DOCK1: variants seen among roughly 807,000 people sequenced by gnomAD.
DOCK1 encodes dedicator of cytokinesis 1, also known as dedicator of cytokinesis protein 1.
In DOCK1, 138 loss-of-function variants were observed where a neutral mutation model predicts 262.7. The observed-to-expected ratio is 0.53, with a 90% CI of 0.46 to 0.61. DOCK1 has a LOEUF of 0.61. Ranked by LOEUF, DOCK1 falls within the 20% of genes least tolerant of loss-of-function variation. DOCK1 has a pLI of 0.00. For synonymous variants in DOCK1, 866 were observed against 867.4 expected, an observed-to-expected ratio of 1.00 and a Z score of 0.03; for missense variants, 1,908 against 2,370.7, an observed-to-expected ratio of 0.80 and a Z score of 4.05.
At chr10:127,329,833 G>A (rs950354831) in intron 29 of DOCK1, among the ~76,000 whole-genome samples, 2 of 152,140 alleles carry the variant, frequency 1.3e-5, no homozygotes, top group African/African-American at 2.4e-5. Flanking sequence ...AGAGTAGAGG[G>A]AGAGTGGGTG....
At chr10:127,164,872 T>C (rs1348428273) in intron 27 of DOCK1, among the ~76,000 whole-genome samples, 1 of 152,306 alleles carries the variant, frequency 6.6e-6, no homozygotes, top group East Asian at 1.9e-4. Context: ...ATGACAATGA[T>C]ACAAACAAGT....
intron 27 of DOCK1, among the ~76,000 whole-genome samples, chr10:127,185,765 C>G (rs1214997762): frequency 6.6e-6 from 1 of 152,090 alleles, no homozygotes; most frequent in Non-Finnish European, 1.5e-5. Flanking sequence ...GCATGACTAC[C>G]TTGAGTGGTT....
At chr10:127,364,004 C>G (rs1590708162) in intron 33 of DOCK1, among the ~76,000 whole-genome samples, 1 of 152,244 alleles carries the variant, frequency 6.6e-6, no homozygotes, top group Non-Finnish European at 1.5e-5. Context: ...TGTACAATCC[C>G]TAGCACGGTG....
rs973403565 is a variant in DOCK1, at chr10:127,175,545, G to A, written c.2847+47781G>A. On this transcript the variant is annotated intron_variant, in intron 27 of 51. Transcript: ENST00000623213. This position sits in a 1 kb window ranked among gnomAD's most constrained non-coding sequence, Gnocchi z 6.3. ...TGTGGCTCTCCTCCGCTCGTCATCT[G>A]CCGGGCAGAGTGACCACTGGCTGGC... The A allele has an allele frequency of 6.8e-6, 11 of 1,610,992 alleles. No homozygotes were observed. The highest frequency in any genetic ancestry group is 8.5e-6 in the Non-Finnish European group (10 of 1,180,004).
intron 27 of DOCK1, among the ~76,000 whole-genome samples, chr10:127,233,363 G>A (rs748859297): frequency 6.6e-6 from 1 of 152,084 alleles, no homozygotes; most frequent in Non-Finnish European, 1.5e-5. Context: ...CATAACAGTG[G>A]ACATGCTACA....
At chr10:126,932,781 C>T (rs1243673146) in intron 1 of DOCK1, among the ~76,000 whole-genome samples, 2 of 152,122 alleles carry the variant, frequency 1.3e-5, no homozygotes, top group Non-Finnish European at 2.9e-5. Flanking sequence ...TGCAGAATAT[C>T]TCCAAGTCCC....
intron 1 of DOCK1, among the ~76,000 whole-genome samples, chr10:126,908,870 C>T (rs2031337009): frequency 6.6e-6 from 1 of 152,130 alleles, no homozygotes; most frequent in African/African-American, 2.4e-5. Flanking sequence ...GATCCTGTTC[C>T]TAAGATTAGG....
At chr10:127,388,848 A>AC (rs1421848148) in intron 38 of DOCK1, among the ~76,000 whole-genome samples, 3 of 141,166 alleles carry the variant, frequency 2.1e-5, no homozygotes, top group Admixed American at 7.3e-5. Flanking sequence ...ACCCACGTGC[A>AC]CCACACAGCT....
In DOCK1 at chr10:127,067,462, CAGT is replaced by C. The variant is rs778968340; in HGVS notation, c.2445+5689_2445+5691del. Among the ~76,000 whole-genome samples, 309 of 152,188 alleles carry C rather than the reference CAGT, an allele frequency of 2.0e-3. 2 individuals carry two copies. The highest frequency in any genetic ancestry group is 2.9e-3 in the Non-Finnish European group (196 of 68,024). On this transcript the variant is annotated intron_variant, in intron 23 of 51. Coordinates refer to ENST00000623213, the MANE Select transcript of DOCK1 (RefSeq NM_001290223.2). ...AGAAGGAAACTTTGACCATGATCCACAGTAGGAAATTGATGCTTACTTGGTATA... is the reference window on the plus strand; with the variant it reads ...AGAAGGAAACTTTGACCATGATCCACAGGAAATTGATGCTTACTTGGTATA...
intron 46 of DOCK1, among the ~76,000 whole-genome samples, chr10:127,420,966 G>A (rs1209082748): frequency 2.0e-5 from 3 of 151,880 alleles, no homozygotes; most frequent in Admixed American, 2.0e-4. Context: ...GCCCAGACTG[G>A]AGTGCAGTAG....
chr10:127,262,782 A>C (rs568536727), intron 29 of DOCK1, among the ~76,000 whole-genome samples: 14 of 152,308 alleles, frequency 9.2e-5, no homozygotes, highest in Admixed American at 7.2e-4. Flanking sequence ...AACATTGGGC[A>C]TGCCTCCCAG....
chr10:127,395,501 T>C (rs894332449), intron 38 of DOCK1, among the ~76,000 whole-genome samples: 4 of 152,218 alleles, frequency 2.6e-5, no homozygotes, highest in African/African-American at 9.6e-5. Flanking sequence ...GACACAAATA[T>C]TCAGAGCATA....
At chr10:127,038,784 TA>T (rs1244662724) in intron 19 of DOCK1, among the ~76,000 whole-genome samples, 2 of 152,338 alleles carry the variant, frequency 1.3e-5, no homozygotes, top group African/African-American at 4.8e-5. Context: ...CTTTACTCTG[TA>T]ATTGTTTGTG....
chr10:126,962,483 G>A (rs957988006), intron 1 of DOCK1, among the ~76,000 whole-genome samples: 33 of 151,744 alleles, frequency 2.2e-4, no homozygotes, highest in Non-Finnish European at 3.4e-4. Flanking sequence ...TTTTAGTAGA[G>A]TTGGGATTTC....
chr10:127,026,281 C>A, intron 15 of DOCK1, 71 bp from the exon 16 acceptor site: 1 of 1,359,382 alleles, frequency 7.4e-7, no homozygotes, highest in South Asian at 1.2e-5. Flanking sequence ...CCTGATAGCT[C>A]CAGTTGAATA....
At chr10:127,261,291 A>C (rs1225015052) in intron 29 of DOCK1, among the ~76,000 whole-genome samples, 1 of 48,524 alleles carries the variant, frequency 2.1e-5, no homozygotes, top group South Asian at 6.6e-4. Context: ...ATGTGTGTGC[A>C]TGTGGGTGTG....
At chr10:126,949,488 G>A (rs1489898413) in intron 1 of DOCK1, among the ~76,000 whole-genome samples, 1 of 152,140 alleles carries the variant, frequency 6.6e-6, no homozygotes, top group South Asian at 2.1e-4. Context: ...GTCCTATGAT[G>A]AGACCCATTC....
intron 29 of DOCK1, among the ~76,000 whole-genome samples, chr10:127,318,764 T>G (rs2062394498): frequency 6.6e-6 from 1 of 152,256 alleles, no homozygotes; most frequent in African/African-American, 2.4e-5. Context: ...GGAGTTTGCC[T>G]TCTACTTAGG....
At chr10:127,406,571 C>T (rs551336773) in intron 40 of DOCK1, among the ~76,000 whole-genome samples, 3 of 152,188 alleles carry the variant, frequency 2.0e-5, no homozygotes, top group Non-Finnish European at 4.4e-5. Flanking sequence ...TGTTTGCGTG[C>T]TTCATGCCCT....
Sources: gnomAD v4.1 joint callset for allele counts (sites outside exome capture counted in the v4.1 genomes callset) on GRCh38, gnomAD v4.1.1 for gene constraint, Gnocchi (gnomAD v3.1) non-coding constraint, MANE v1.5 for transcripts, NCBI Gene and HGNC (gene_info 2026-07-23, HGNC 2026-07-21) for gene names.